GPI: variants seen among roughly 807,000 people sequenced by gnomAD.
GPI encodes the protein D-hexose-6-phosphate anomerase.
A neutral mutation model predicts 75.8 loss-of-function variants in GPI; 56 were observed. That is an observed-to-expected ratio of 0.74 (90% CI 0.60 to 0.92). The LOEUF is 0.92. Among genes scored for constraint, GPI ranks in the 40% least tolerant of loss-of-function variants. GPI has a pLI of 0.00. For synonymous variants in GPI, 288 were observed against 285.4 expected, an observed-to-expected ratio of 1.01 and a Z score of -0.09; for missense variants, 638 against 741.0, an observed-to-expected ratio of 0.86 and a Z score of 1.61.
At chr19:34,371,686 TAAA>T (rs945590932) in intron 4 of GPI, among the ~76,000 whole-genome samples, 1 of 149,218 alleles carries the variant, frequency 6.7e-6, no homozygotes, top group African/African-American at 2.5e-5. Flanking sequence ...CCATCTCTAC[TAAA>T]AAAAAATACA....
In GPI at chr19:34,401,221, G is replaced by C. The variant is rs1484789617; in HGVS notation, c.*1185G>C. 6.6e-6 allele frequency: 1 copy of C among 150,606 alleles called. No individual in the cohort carries two copies. The highest frequency in any genetic ancestry group is 2.0e-4 in the East Asian group (1 of 5,076). The allele number at this position is 150,606 out of a possible 1,614,324, so 9.3% of individuals were successfully genotyped here. A position where few individuals can be genotyped will look rare whatever the true frequency, so the allele number is the denominator to read the frequency against. ...TTTTTCATTTTTTGTAGAGAGACGG[G>C]TCTTTTTTTTTTTTGAGACGGAGTC... On this transcript the variant is annotated 3_prime_UTR_variant, in exon 18 of 18. Transcript: ENST00000356487.
rs1232928649 is a variant in GPI, at chr19:34,393,081, T to A, written c.805-167T>A. The A allele has an allele frequency of 2.9e-6, 2 of 679,032 alleles. No individual in the cohort carries two copies. The highest frequency in any genetic ancestry group is 5.4e-6 in the Non-Finnish European group (2 of 371,116). 42.1% of individuals were successfully genotyped at this position (679,032 alleles called of 1,614,324 possible). On this transcript the variant is annotated intron_variant, in intron 9 of 17. Transcript: ENST00000356487. This position sits in a 1 kb window ranked among gnomAD's most constrained non-coding sequence, Gnocchi z 4.4. Reference sequence around the variant, plus strand: ...AGTCATCTGTAGTCTGCCCTGTTGGTCTTCCCATGTGTTGCCAGCACCTGC... The same window carrying A: ...AGTCATCTGTAGTCTGCCCTGTTGGACTTCCCATGTGTTGCCAGCACCTGC...
chr19:34,388,855 C>T (rs2074778551), intron 9 of GPI, among the ~76,000 whole-genome samples: 1 of 151,912 alleles, frequency 6.6e-6, no homozygotes, highest in Admixed American at 6.6e-5. Context: ...CCCTGAGCTT[C>T]GGGAGGCTGA....
At chr19:34,373,922 G>C (rs946897882) in intron 4 of GPI, among the ~76,000 whole-genome samples, 7 of 152,214 alleles carry the variant, frequency 4.6e-5, no homozygotes, top group Admixed American at 1.3e-4. Context: ...GCAGATGCCT[G>C]GAGGTCTTTT....
intron 1 of GPI, 151 bp downstream of exon 1, chr19:34,365,539 C>CT: frequency 1.6e-6 from 2 of 1,277,392 alleles, no homozygotes; most frequent in Non-Finnish European, 1.1e-6. Flanking sequence ...GTCCGCACTT[C>CT]GTCCTTGGAG....
In GPI at chr19:34,400,143, GTTGTGGGC is replaced by G. The variant is rs1165785366; in HGVS notation, c.*111_*118del. The stretch of plus-strand genomic sequence containing the variant: ...TGGACACCACCCAGAGCACCCTCTG[GTTGTGGGC>G]TTGGACCACGAGCCCTTAGCAGGGA... On this transcript the variant is annotated 3_prime_UTR_variant, in exon 18 of 18. Coordinates refer to ENST00000356487, the MANE Select transcript of GPI (RefSeq NM_000175.5). 3 of 1,275,536 alleles carry G rather than the reference GTTGTGGGC, an allele frequency of 2.4e-6. No homozygotes were observed. The East Asian group carries it at 6.9e-5, about 29-fold the overall frequency. The allele number at this position is 1,275,536 out of a possible 1,614,324, so 79.0% of individuals were successfully genotyped here. A position where few individuals can be genotyped will look rare whatever the true frequency, so the allele number is the denominator to read the frequency against.
At chr19:34,377,301 C>CAAAAAAA (rs1169701523) in intron 4 of GPI, among the ~76,000 whole-genome samples, 1 of 15,470 alleles carries the variant, frequency 6.5e-5, no homozygotes, top group Non-Finnish European at 9.9e-5. Context: ...GGCTTCATCT[C>CAAAAAAA]AAAAAAAAAA....
chr19:34,362,544 C>G (rs2074306857), upstream of GPI, among the ~76,000 whole-genome samples: 1 of 152,078 alleles, frequency 6.6e-6, no homozygotes, highest in Non-Finnish European at 1.5e-5. Flanking sequence ...GGACACTGGA[C>G]AAGACTGTGG....
At chr19:34,375,802 T>C (rs2074527171) in intron 4 of GPI, among the ~76,000 whole-genome samples, 1 of 152,156 alleles carries the variant, frequency 6.6e-6, no homozygotes, top group Non-Finnish European at 1.5e-5. Context: ...TGAAGTCACA[T>C]TTCACCCCTT....
rs750863448 is a variant in GPI, at chr19:34,396,666, C to A, written c.1269+9C>A. The stretch of plus-strand genomic sequence containing the variant: ...AGGGTCTGCATCACAAGGTAAGAGC[C>A]CCCATCTGGCCCCATCTGGGGGGTC... On this transcript the variant is annotated intron_variant, in intron 14 of 17. Transcript: ENST00000356487. 2 of 1,607,570 alleles carry A rather than the reference C, an allele frequency of 1.2e-6. No individual in the cohort carries two copies. Among genetic ancestry groups the A allele is most frequent in the Admixed American group, 3.3e-5 (2 of 59,930 alleles).
At chr19:34,382,914 T>C (rs934994833) in intron 9 of GPI, among the ~76,000 whole-genome samples, 1 of 152,090 alleles carries the variant, frequency 6.6e-6, no homozygotes, top group African/African-American at 2.4e-5. Flanking sequence ...CCTGAGTTAC[T>C]AGAGTGTATC....
chr19:34,393,155 G>T lies in GPI; in HGVS notation c.805-93G>T. ...GGGTTGGGCCAGGGCCCTCCGAGACGCCCCTGTGCAAGACCAGGGACAGGG... is the reference window on the plus strand; with the variant it reads ...GGGTTGGGCCAGGGCCCTCCGAGACTCCCCTGTGCAAGACCAGGGACAGGG... On this transcript the variant is annotated intron_variant, in intron 9 of 17. Coordinates refer to ENST00000356487, the MANE Select transcript of GPI (RefSeq NM_000175.5). This position sits in a 1 kb window ranked among gnomAD's most constrained non-coding sequence, Gnocchi z 4.4. The T allele has an allele frequency of 9.9e-7, 1 of 1,013,330 alleles. No individual in the cohort carries two copies. 62.8% of individuals were successfully genotyped at this position (1,013,330 alleles called of 1,614,324 possible). A position where few individuals can be genotyped will look rare whatever the true frequency, so the allele number is the denominator to read the frequency against.
In GPI at chr19:34,379,802, G is replaced by A. The variant is rs8191385; in HGVS notation, c.750+240G>A. 0.019 allele frequency: 11,880 copies of A among 628,090 alleles called. 988 individuals carry two copies. The highest frequency in any genetic ancestry group is 0.19 in the African/African-American group (10,197 of 55,040). The allele number at this position is 628,090 out of a possible 1,614,324, so 38.9% of individuals were successfully genotyped here. ...TGGGATCACGATAACCCCTTCTTCC[G>A]TCTCCCAGGCCTGACTGATACACAG... is the stretch of plus-strand genomic sequence containing the variant. On this transcript the variant is annotated intron_variant, in intron 8 of 17. Transcript: ENST00000356487.
intron 3 of GPI, chr19:34,367,122 A>AT: frequency 1.7e-6 from 1 of 598,502 alleles, no homozygotes; most frequent in South Asian, 1.7e-5. Context: ...CAAGGCTGAC[A>AT]TTTTCTTGGA....
At chr19:34,372,252 CTT>C (rs1189132781) in intron 4 of GPI, among the ~76,000 whole-genome samples, 1 of 152,190 alleles carries the variant, frequency 6.6e-6, no homozygotes, top group Non-Finnish European at 1.5e-5. Flanking sequence ...TTTCTAACCT[CTT>C]TTGTCACACG....
intron 4 of GPI, among the ~76,000 whole-genome samples, 193 bp from the exon 5 acceptor site, chr19:34,377,301 CAAAAAAAAA>C (rs1169701523): frequency 7.8e-4 from 12 of 15,468 alleles, no homozygotes; most frequent in Non-Finnish European, 1.2e-3. Flanking sequence ...GGCTTCATCT[CAAAAAAAAA>C]AAAAAAAAAA....
At position 34,370,578 on chromosome 19, in the gene GPI, G is replaced by T. The variant is rs115939343; in HGVS notation, c.402+1876G>T. On this transcript the variant is annotated intron_variant, in intron 4 of 17. Transcript: ENST00000356487. ...TACTAAAAATACAAAAAAATTACCT[G>T]GGCGGGCATGGTGGCGAGCACCTGT... Among the ~76,000 whole-genome samples the T allele has an allele frequency of 3.8e-3, 574 of 152,108 alleles. 6 individuals are homozygous for T. The highest frequency in any genetic ancestry group is 0.013 in the African/African-American group (558 of 41,510).
intron 14 of GPI, chr19:34,397,975 C>T (rs544369441): frequency 9.2e-5 from 14 of 152,108 alleles, no homozygotes; most frequent in Admixed American, 7.9e-4. Context: ...CAGCCTTGAA[C>T]TCCTGGGCTC....
Position 34,393,848 on chromosome 19 carries a change from C to A in GPI, c.910-66C>A. On this transcript the variant is annotated intron_variant, in intron 11 of 17. Transcript: ENST00000356487. This position sits in a 1 kb window ranked among gnomAD's most constrained non-coding sequence, Gnocchi z 4.4. Reference sequence around the variant, plus strand: ...TGGTCCTGGTCCCCCGCTTTCTCCCCCACTGTCCTGTCCCTCCCCTCCCCG... The same window carrying A: ...TGGTCCTGGTCCCCCGCTTTCTCCCACACTGTCCTGTCCCTCCCCTCCCCG... 1 of 1,604,968 alleles carries A rather than the reference C, an allele frequency of 6.2e-7. No individual in the cohort carries two copies. Among genetic ancestry groups the A allele is most frequent in the Non-Finnish European group, 8.5e-7 (1 of 1,172,692 alleles).
Sources: gnomAD v4.1 joint callset for allele counts (sites outside exome capture counted in the v4.1 genomes callset) on GRCh38, gnomAD v4.1.1 for gene constraint, Gnocchi (gnomAD v3.1) non-coding constraint, MANE v1.5 for transcripts, NCBI Gene and HGNC (gene_info 2026-07-23, HGNC 2026-07-21) for gene names.